Variants in TRARG1 observed in about 807,000 individuals in gnomAD.
TRARG1 encodes the protein trafficking regulator of GLUT4 (SLC2A4) 1 (gene/pseudogene), also known as trafficking regulator of GLUT4 1.
TRARG1 carries 16 observed loss-of-function variants against 13.3 expected under a neutral mutation model. The ratio of observed to expected loss-of-function variants is 1.20; its 90% CI spans 0.81 to 1.83. The LOEUF is 1.83. Among genes scored for constraint, TRARG1 ranks in the 40% most tolerant of loss-of-function variants. The probability of loss-of-function intolerance (pLI) is 0.00; values close to 1 mark genes in which losing one functional copy is unlikely to be tolerated. For missense variants in TRARG1, 250 were observed against 237.4 expected (o/e 1.05, Z -0.35); for synonymous variants, 113 against 106.2 (o/e 1.06, Z -0.39).
At chr17:1,288,333 C>T (rs1371297202) in intron 1 of TRARG1, among the ~76,000 whole-genome samples, 2 of 126,950 alleles carry the variant, frequency 1.6e-5, no homozygotes, top group Non-Finnish European at 3.4e-5. Flanking sequence ...CCACGGGCTC[C>T]TCATCCCCCA....
At chr17:1,290,456 C>T (rs541119411) in intron 1 of TRARG1, among the ~76,000 whole-genome samples, 106 of 152,240 alleles carry the variant, frequency 7.0e-4, no homozygotes, top group African/African-American at 2.3e-3. Context: ...CCACCACGCC[C>T]GGCTAATTTT....
At chr17:1,293,487 TTGA>T (rs2072087856) in intron 1 of TRARG1, among the ~76,000 whole-genome samples, 1 of 150,982 alleles carries the variant, frequency 6.6e-6, no homozygotes, top group Admixed American at 6.6e-5. Flanking sequence ...TGGGTTGAGT[TTGA>T]TGATGTCGTG....
intron 1 of TRARG1, among the ~76,000 whole-genome samples, chr17:1,280,735 G>C (rs1179934234): frequency 6.6e-6 from 1 of 152,180 alleles, no homozygotes; most frequent in African/African-American, 2.4e-5. Context: ...AGGGACGGGC[G>C]GTCCCAAAGG....
Position 1,282,347 on chromosome 17 carries a change from T to C in TRARG1, c.387+1959T>C, listed in dbSNP as rs1288119692. Among the ~76,000 whole-genome samples, 3 of 151,762 alleles carry C rather than the reference T, an allele frequency of 2.0e-5. No individual in the cohort carries two copies. In the East Asian group the frequency reaches 5.8e-4, roughly 29 times the overall value. On this transcript the variant is annotated intron_variant, in intron 1 of 2. Transcript: ENST00000333813. Reference sequence around the variant, plus strand: ...ACATATATGTACGTATATGTACATATGCGTATATATGTATATATGTACGTA... The same window carrying C: ...ACATATATGTACGTATATGTACATACGCGTATATATGTATATATGTACGTA...
rs931023394 is a variant in TRARG1, at chr17:1,299,938, C to G, written c.*1674C>G. 6.6e-6 allele frequency: 1 copy of G among 152,566 alleles called. No individual in the cohort carries two copies. Among genetic ancestry groups the G allele is most frequent in the Admixed American group, 6.5e-5 (1 of 15,286 alleles). 9.5% of individuals were successfully genotyped at this position (152,566 alleles called of 1,614,324 possible). The stretch of plus-strand genomic sequence containing the variant: ...GCCCTGGGTCTATGCACAGCTGGAG[C>G]TCTGAGCCTTCCACAGCCCGTGTGA... On this transcript the variant is annotated 3_prime_UTR_variant, in exon 3 of 3. Coordinates refer to ENST00000333813, the MANE Select transcript of TRARG1 (RefSeq NM_172367.3).
At chr17:1,295,658 C>G (rs770566149) in intron 2 of TRARG1, 35 bp downstream of exon 2, 16 of 1,592,502 alleles carry the variant, frequency 1.0e-5, no homozygotes, top group Non-Finnish European at 1.4e-5. Flanking sequence ...AGGAAGCCAG[C>G]TTGCCTGGTG....
chr17:1,293,520 G>A (rs1230066962), intron 1 of TRARG1, among the ~76,000 whole-genome samples: 9 of 148,116 alleles, frequency 6.1e-5, no homozygotes, highest in African/African-American at 2.3e-4. Flanking sequence ...TGATGATGTC[G>A]CAGGTTGGGT....
intron 1 of TRARG1, among the ~76,000 whole-genome samples, chr17:1,285,121 T>A (rs2072011445): frequency 1.3e-5 from 2 of 151,924 alleles, no homozygotes; most frequent in Admixed American, 1.3e-4. Context: ...TGCTTAGGAA[T>A]TTAAGTTCTG....
intron 1 of TRARG1, among the ~76,000 whole-genome samples, chr17:1,284,707 G>A (rs930809060): frequency 1.3e-5 from 2 of 151,536 alleles, no homozygotes; most frequent in African/African-American, 4.9e-5. Flanking sequence ...TTGAGATGGA[G>A]TCTTGCTCTG....
intron 1 of TRARG1, among the ~76,000 whole-genome samples, chr17:1,292,793 A>G (rs1329429320): frequency 1.3e-5 from 2 of 152,018 alleles, no homozygotes; most frequent in African/African-American, 2.4e-5. Flanking sequence ...GCCACCCACC[A>G]CAGTTGCATT....
At chr17:1,282,977 C>T (rs9914352) in intron 1 of TRARG1, among the ~76,000 whole-genome samples, 59,382 of 151,902 alleles carry the variant, frequency 0.39, 12,020 homozygotes, top group Admixed American at 0.52. Context: ...GGCAAGTGCC[C>T]ACCACACTCG....
chr17:1,292,534 C>T (rs566341523), intron 1 of TRARG1, among the ~76,000 whole-genome samples: 2 of 152,328 alleles, frequency 1.3e-5, no homozygotes, highest in South Asian at 2.1e-4. Context: ...GCCCCAGCAA[C>T]GCTGACCTCC....
At chr17:1,294,826 T>C (rs1442330918) in intron 1 of TRARG1, among the ~76,000 whole-genome samples, 1 of 151,766 alleles carries the variant, frequency 6.6e-6, no homozygotes, top group Non-Finnish European at 1.5e-5. Context: ...GCTGGGATTA[T>C]AGGGGTGCAC....
intron 1 of TRARG1, among the ~76,000 whole-genome samples, chr17:1,292,295 C>T (rs1175961593): frequency 6.6e-6 from 1 of 152,246 alleles, no homozygotes; most frequent in Non-Finnish European, 1.5e-5. Context: ...CATCATCTCA[C>T]TGAACCTTTG....
intron 1 of TRARG1, among the ~76,000 whole-genome samples, chr17:1,282,086 A>G (rs1174797496): frequency 2.0e-5 from 3 of 150,840 alleles, no homozygotes; most frequent in Non-Finnish European, 4.4e-5. Flanking sequence ...ACATATATGT[A>G]CATATATACG....
chr17:1,297,073 G>A (rs1336476425), intron 2 of TRARG1, among the ~76,000 whole-genome samples: 1 of 152,158 alleles, frequency 6.6e-6, no homozygotes, highest in African/African-American at 2.4e-5. Flanking sequence ...ACATCAGGAA[G>A]TCCCCAAGGA....
At chr17:1,293,319 C>T (rs112222951) in intron 1 of TRARG1, among the ~76,000 whole-genome samples, 1,921 of 149,284 alleles carry the variant, frequency 0.013, 58 homozygotes, top group African/African-American at 0.045. Context: ...TGGTGATGCT[C>T]CTGCTTTGTA....
chr17:1,293,718 G>C (rs185914185), intron 1 of TRARG1, among the ~76,000 whole-genome samples: 1 of 152,004 alleles, frequency 6.6e-6, no homozygotes, highest in African/African-American at 2.4e-5. Context: ...TGATGTCACA[G>C]GTTGAATTTG....
At chr17:1,285,927 G>A (rs2072016459) in intron 1 of TRARG1, among the ~76,000 whole-genome samples, 1 of 152,152 alleles carries the variant, frequency 6.6e-6, no homozygotes, top group South Asian at 2.1e-4. Flanking sequence ...CTGAAGGAGG[G>A]AGCGGCCAGC....
Sources: gnomAD v4.1 joint callset for allele counts (sites outside exome capture counted in the v4.1 genomes callset) on GRCh38, gnomAD v4.1.1 for gene constraint, MANE v1.5 for transcripts, NCBI Gene and HGNC (gene_info 2026-07-23, HGNC 2026-07-21) for gene names.